KLHL13: variants seen among roughly 807,000 people sequenced by gnomAD.
KLHL13 encodes the protein kelch like family member 13.
In KLHL13, 10 loss-of-function variants were observed where a neutral mutation model predicts 37.1. The observed-to-expected ratio is 0.27, with a 90% CI of 0.17 to 0.46. The LOEUF is 0.46. KLHL13 is among the 20% of genes least tolerant of loss of function. The pLI is 1.00. For missense variants in KLHL13, 360 were observed against 509.3 expected (o/e 0.71, Z 2.82); for synonymous variants, 163 against 181.2 (o/e 0.90, Z 0.81).
chrX:117,902,478 T>A (rs1464654234), intron 5 of KLHL13, among the ~76,000 whole-genome samples: 1 of 111,967 alleles, frequency 8.9e-6, no homozygotes, highest in Non-Finnish European at 1.9e-5. Context: ...ATAATTTCTC[T>A]ACATTTATAC....
chrX:118,069,149 C>CACACACACACA (rs1569308000), intron 1 of KLHL13, among the ~76,000 whole-genome samples: 2 of 80,883 alleles, frequency 2.5e-5, no homozygotes, highest in African/African-American at 1.5e-4. Flanking sequence ...ACACACACAC[C>CACACACACACA]CTCACCTGAA....
intron 4 of KLHL13, among the ~76,000 whole-genome samples, chrX:117,916,190 C>T (rs1301510171): frequency 9.3e-6 from 1 of 107,246 alleles, no homozygotes; most frequent in African/African-American, 3.3e-5. Flanking sequence ...AAAAAAAAAA[C>T]ACTAGCTAAT....
At chrX:118,105,617 T>A (rs957349583) in intron 1 of KLHL13, among the ~76,000 whole-genome samples, 1 of 112,767 alleles carries the variant, frequency 8.9e-6, no homozygotes, top group Non-Finnish European at 1.9e-5. Context: ...TCAAATTGAC[T>A]CATGTTCTCT....
intron 1 of KLHL13, among the ~76,000 whole-genome samples, chrX:118,097,757 C>A (rs2055229833): frequency 9.0e-6 from 1 of 111,175 alleles, no homozygotes; most frequent in Non-Finnish European, 1.9e-5. Context: ...CAGAACAGAG[C>A]CCTCAGAAAT....
At chrX:118,061,765 C>A (rs1353557787) in intron 1 of KLHL13, among the ~76,000 whole-genome samples, 1 of 111,297 alleles carries the variant, frequency 9.0e-6, no homozygotes, top group Non-Finnish European at 1.9e-5. Flanking sequence ...TTCGTAGAGA[C>A]ATATGAACCA....
At chrX:118,085,142 C>T (rs990822335) in intron 1 of KLHL13, among the ~76,000 whole-genome samples, 2 of 110,783 alleles carry the variant, frequency 1.8e-5, no homozygotes, top group Admixed American at 9.7e-5. Context: ...GTCCATCAAC[C>T]GATAAATGAA....
At chrX:117,996,504 T>C (rs1425854904) in intron 1 of KLHL13, among the ~76,000 whole-genome samples, 1 of 112,052 alleles carries the variant, frequency 8.9e-6, no homozygotes, top group Non-Finnish European at 1.9e-5. Context: ...ATGTTATAAA[T>C]ACTTTGTATA....
At position 118,076,056 on chromosome X, in the gene KLHL13, T is replaced by A. The variant is rs375255247; in HGVS notation, c.-56+40452A>T. Among the ~76,000 whole-genome samples, 132 of 111,951 alleles carry A rather than the reference T, an allele frequency of 1.2e-3. 1 individual carries two copies. The South Asian group carries it at 0.046, about 39-fold the overall frequency. ...CAGAACAGACCAGTTTCTAATTTTA[T>A]GTTTATTTGAGCACTAGAAATTTCA... On this transcript the variant is annotated intron_variant, in intron 1 of 6. Transcript: ENST00000371882.
chrX:118,093,981 C>T (rs919558161), intron 1 of KLHL13, among the ~76,000 whole-genome samples: 1 of 109,860 alleles, frequency 9.1e-6, no homozygotes, highest in African/African-American at 3.3e-5. Flanking sequence ...GCATTTCCAA[C>T]TGAGGAACGC....
intron 1 of KLHL13, among the ~76,000 whole-genome samples, chrX:117,961,366 A>G (rs989020132): frequency 4.5e-5 from 5 of 112,170 alleles, no homozygotes; most frequent in African/African-American, 1.6e-4. Context: ...TTGTAGAACC[A>G]CTTGGGTTAA....
intron 1 of KLHL13, among the ~76,000 whole-genome samples, chrX:118,061,540 C>T (rs751818561): frequency 2.7e-5 from 3 of 111,675 alleles, no homozygotes; most frequent in African/African-American, 6.5e-5. Flanking sequence ...AAAGTCTTTA[C>T]GGAGGCAGAA....
intron 6 of KLHL13, among the ~76,000 whole-genome samples, chrX:117,900,856 A>G (rs185924089): frequency 3.6e-5 from 4 of 111,400 alleles, no homozygotes; most frequent in Admixed American, 1.9e-4. Flanking sequence ...TGGTCATTAC[A>G]TTAAAGTGAG....
At chrX:117,940,808 T>G (rs938917678) in intron 2 of KLHL13, among the ~76,000 whole-genome samples, 1 of 112,217 alleles carries the variant, frequency 8.9e-6, no homozygotes, top group Non-Finnish European at 1.9e-5. Flanking sequence ...CCTGAGACTT[T>G]GCTGAAGTTG....
At chrX:118,051,818 T>C (rs997856889) in intron 1 of KLHL13, among the ~76,000 whole-genome samples, 4 of 111,231 alleles carry the variant, frequency 3.6e-5, no homozygotes, top group African/African-American at 1.3e-4. Context: ...TGTAGTTCAT[T>C]GGGAGAACTG....
At chrX:117,999,948 T>C in intron 1 of KLHL13, among the ~76,000 whole-genome samples, 1 of 111,961 alleles carries the variant, frequency 8.9e-6, no homozygotes, top group Middle Eastern at 4.6e-3. Flanking sequence ...TGTGTTGTTT[T>C]GATTCTATTA....
chrX:118,086,087 G>A (rs1054410328), intron 1 of KLHL13, among the ~76,000 whole-genome samples: 2 of 110,294 alleles, frequency 1.8e-5, no homozygotes, highest in Non-Finnish European at 3.8e-5. Context: ...ACAGGAGTGC[G>A]CCACCACAGC....
chrX:117,985,329 A>G, intron 1 of KLHL13: 1 of 1,132,901 alleles, frequency 8.8e-7, no homozygotes, highest in East Asian at 3.3e-5. Context: ...CTGGAGTTTT[A>G]AAGTTAAGAG....
chrX:118,076,570 A>G (rs1215383630), intron 1 of KLHL13, among the ~76,000 whole-genome samples: 1 of 111,661 alleles, frequency 9.0e-6, no homozygotes, highest in African/African-American at 3.2e-5. Context: ...AAAAGGTCTC[A>G]TGGTTAATTT....
At chrX:118,014,163 A>AT (rs1379800116) in intron 1 of KLHL13, among the ~76,000 whole-genome samples, 1 of 112,181 alleles carries the variant, frequency 8.9e-6, no homozygotes, top group Non-Finnish European at 1.9e-5. Flanking sequence ...GAACAGAGCC[A>AT]TATTTTTCTT....
Sources: gnomAD v4.1 joint callset for allele counts (sites outside exome capture counted in the v4.1 genomes callset) on GRCh38, gnomAD v4.1.1 for gene constraint, MANE v1.5 for transcripts, NCBI Gene and HGNC (gene_info 2026-07-23, HGNC 2026-07-21) for gene names.